ZNF254: variants seen among roughly 807,000 people sequenced by gnomAD.
The protein encoded by ZNF254 is CTD-2017D11.1.
In ZNF254, 10 loss-of-function variants were observed where a neutral mutation model predicts 12.4. That is an observed-to-expected ratio of 0.80 (90% CI 0.50 to 1.36). ZNF254 has a LOEUF of 1.36. Ranked by LOEUF, ZNF254 falls within the 40% of genes most tolerant of loss-of-function variation. The pLI, the probability that ZNF254 is intolerant of heterozygous loss-of-function variation, is 0.00. For missense variants in ZNF254, 996 were observed against 763.9 expected, an observed-to-expected ratio of 1.30 and a Z score of -3.58; for synonymous variants, 305 against 253.4, an observed-to-expected ratio of 1.20 and a Z score of -1.93.
intron 2 of ZNF254, among the ~76,000 whole-genome samples, chr19:24,060,478 G>A (rs1045806874): frequency 1.8e-4 from 28 of 152,212 alleles, no homozygotes; most frequent in African/African-American, 6.5e-4. Context: ...GCCTACTGGG[G>A]GCATTGTGAC....
At chr19:24,040,440 CCA>C (rs1342186765) in intron 1 of ZNF254, among the ~76,000 whole-genome samples, 1 of 152,180 alleles carries the variant, frequency 6.6e-6, no homozygotes, top group Non-Finnish European at 1.5e-5. Context: ...AATAATTGTT[CCA>C]CAGTCATGAG....
rs1403827272 is a variant in ZNF254 at position 24,089,148 on chromosome 19, G to T, written c.30+1811G>T. On this transcript the variant is annotated intron_variant, in intron 1 of 3. Transcript: ENST00000357002. Reference sequence around the variant, plus strand: ...TGTGCCACCATGCCTGGCTAATTTTGTGTTTTTAGTAAAGACAGGGTTTCT... The same window carrying T: ...TGTGCCACCATGCCTGGCTAATTTTTTGTTTTTAGTAAAGACAGGGTTTCT... Among the ~76,000 whole-genome samples, 3 of 151,720 alleles carry T rather than the reference G, an allele frequency of 2.0e-5. No individual in the cohort carries two copies. In the East Asian group the frequency reaches 5.8e-4, roughly 29 times the overall value.
chr19:24,113,428 C>CA lies in ZNF254; in HGVS notation c.253+6790dup, dbSNP rs527907432. Among the ~76,000 whole-genome samples, 310 of 152,182 alleles carry CA rather than the reference C, an allele frequency of 2.0e-3. 1 individual carries two copies. Among genetic ancestry groups the CA allele is most frequent in the African/African-American group, 7.2e-3 (301 of 41,526 alleles). ...TCCAGCATATAAACAGAACCAAAGA[C>CA]AAAAACCACATGATTATATAATAGA... On this transcript the variant is annotated intron_variant, in intron 3 of 3. Transcript: ENST00000357002.
chr19:24,064,620 A>C (rs2145435233), intron 2 of ZNF254: 1 of 152,292 alleles, frequency 6.6e-6, no homozygotes, highest in Non-Finnish European at 1.5e-5. Flanking sequence ...TTCATCTCCC[A>C]GGTTCAAGCA....
At chr19:24,081,879 T>C (rs117863815) in intron 2 of ZNF254, among the ~76,000 whole-genome samples, 53 of 152,288 alleles carry the variant, frequency 3.5e-4, no homozygotes, top group Non-Finnish European at 6.9e-4. Context: ...TCCCTGCACA[T>C]TGGGAGGCCA....
chr19:24,112,408 G>T (rs1973742850), intron 3 of ZNF254, among the ~76,000 whole-genome samples: 1 of 146,552 alleles, frequency 6.8e-6, no homozygotes, highest in South Asian at 2.2e-4. Context: ...TGTTCTTTTG[G>T]CTTAGGAGTG....
chr19:24,037,888 C>T (rs936684818), intron 1 of ZNF254, among the ~76,000 whole-genome samples: 1 of 152,130 alleles, frequency 6.6e-6, no homozygotes, highest in Admixed American at 6.6e-5. Flanking sequence ...GGATTATAGG[C>T]GTGAGACATC....
intron 1 of ZNF254, among the ~76,000 whole-genome samples, chr19:24,088,260 A>C (rs1430302234): frequency 2.0e-5 from 3 of 152,136 alleles, no homozygotes; most frequent in Non-Finnish European, 4.4e-5. Flanking sequence ...ATGTAATCAG[A>C]GCTTAATTGT....
chr19:24,071,096 G>A (rs975804951), intron 2 of ZNF254, among the ~76,000 whole-genome samples: 1 of 152,106 alleles, frequency 6.6e-6, no homozygotes, highest in Non-Finnish European at 1.5e-5. Flanking sequence ...ACAGAAAGAA[G>A]AAGCTCCCCT....
rs1226311835 is a variant in ZNF254 at position 24,127,947 on chromosome 19, G to A, written c.1947G>A (p.Lys649=). The change falls in exon 4 of 4, where the codon AAG becomes AAA. Residue 649 remains lysine, a synonymous_variant. Transcript: ENST00000357002. Reference sequence around the variant, plus strand: ...GGTCCTCGCACCTCACCACAGATAAGATAACTCATTGGAGAGAAATCTTAC... The same window carrying A: ...GGTCCTCGCACCTCACCACAGATAAAATAACTCATTGGAGAGAAATCTTAC... ...FNRSSHLTTD[K]ITHWREILQV 6.3e-7 allele frequency: 1 copy of A among 1,576,832 alleles called. No homozygotes were observed. The highest frequency in any genetic ancestry group is 1.9e-5 in the Admixed American group (1 of 51,900).
chr19:24,107,677 T>G (rs894645304), intron 3 of ZNF254, among the ~76,000 whole-genome samples: 3 of 152,210 alleles, frequency 2.0e-5, no homozygotes, highest in African/African-American at 4.8e-5. Flanking sequence ...ATTTTTCTTT[T>G]GACTATTTTG....
chr19:24,124,460 T>A (rs1599766986), intron 3 of ZNF254, among the ~76,000 whole-genome samples: 2 of 152,326 alleles, frequency 1.3e-5, no homozygotes, highest in East Asian at 1.9e-4. Flanking sequence ...TTTATATGAT[T>A]CTGTGTTTTT....
intron 2 of ZNF254, among the ~76,000 whole-genome samples, chr19:24,051,066 G>T (rs62114762): frequency 1.2e-4 from 18 of 152,138 alleles, no homozygotes; most frequent in Admixed American, 3.9e-4. Flanking sequence ...CATAGCTGGG[G>T]CCAGCTCAAA....
At chr19:24,073,285 A>T (rs1228502418) in intron 2 of ZNF254, among the ~76,000 whole-genome samples, 1 of 152,222 alleles carries the variant, frequency 6.6e-6, no homozygotes, top group African/African-American at 2.4e-5. Flanking sequence ...TGATCATGCC[A>T]CTACAGTTAA....
At chr19:24,077,183 T>C (rs961807518) in intron 2 of ZNF254, among the ~76,000 whole-genome samples, 3 of 152,188 alleles carry the variant, frequency 2.0e-5, no homozygotes, top group Non-Finnish European at 4.4e-5. Flanking sequence ...ACTTATGACT[T>C]GGAAGCCCCA....
chr19:24,071,978 TG>T (rs894158227), intron 2 of ZNF254, among the ~76,000 whole-genome samples: 1 of 152,150 alleles, frequency 6.6e-6, no homozygotes, highest in Non-Finnish European at 1.5e-5. Context: ...GAAATATGGC[TG>T]GGTCCAACAG....
intron 2 of ZNF254, among the ~76,000 whole-genome samples, chr19:24,076,714 G>A (rs925300633): frequency 6.6e-6 from 1 of 152,126 alleles, no homozygotes; most frequent in Non-Finnish European, 1.5e-5. Flanking sequence ...AGCAATATTT[G>A]TATTTGTCAA....
chr19:24,110,580 G>A (rs1973609015), intron 3 of ZNF254, among the ~76,000 whole-genome samples: 1 of 151,562 alleles, frequency 6.6e-6, no homozygotes, highest in South Asian at 2.1e-4. Context: ...AAAAAAAAGT[G>A]TATATTTCAG....
In ZNF254 at chr19:24,105,840, G is replaced by A. The variant is rs1306465352; in HGVS notation, c.31-100G>A. The A allele has an allele frequency of 3.3e-6, 5 of 1,502,806 alleles. No individual in the cohort carries two copies. In the African/African-American group the frequency reaches 4.2e-5, roughly 13 times the overall value. 93.1% of individuals were successfully genotyped at this position (1,502,806 alleles called of 1,614,324 possible). A position where few individuals can be genotyped will look rare whatever the true frequency, so the allele number is the denominator to read the frequency against. On this transcript the variant is annotated intron_variant, in intron 1 of 3. Transcript: ENST00000357002. ...TGGATAATTTCAATCACTCTTATAA[G>A]TCAGAACCAGTTCTATTTACTCTAA...
Sources: gnomAD v4.1 joint callset for allele counts (sites outside exome capture counted in the v4.1 genomes callset) on GRCh38, gnomAD v4.1.1 for gene constraint, MANE v1.5 for transcripts, NCBI Gene and HGNC (gene_info 2026-07-23, HGNC 2026-07-21) for gene names.